The following PRDX1 variants were observed in gnomAD, a reference collection of about 807,000 sequenced individuals.
The protein encoded by PRDX1 is peroxiredoxin-1.
PRDX1 carries 19 observed loss-of-function variants against 20.7 expected under a neutral mutation model. That is an observed-to-expected ratio of 0.92 (90% CI 0.64 to 1.35). The LOEUF (loss-of-function observed/expected upper bound fraction) is 1.35. Ranked by LOEUF, PRDX1 falls within the 40% of genes most tolerant of loss-of-function variation. The pLI, the probability that PRDX1 is intolerant of heterozygous loss-of-function variation, is 0.00. For missense variants in PRDX1, 226 were observed against 240.0 expected, an observed-to-expected ratio of 0.94 and a Z score of 0.38; for synonymous variants, 89 against 83.9, an observed-to-expected ratio of 1.06 and a Z score of -0.33.
chr1:45,515,588 G>C, intron 3 of PRDX1, 66 bp downstream of exon 3: 1 of 1,210,990 alleles, frequency 8.3e-7, no homozygotes, highest in Non-Finnish European at 1.1e-6. Flanking sequence ...GACAAAGCAA[G>C]ACTCCATCTC....
Position 45,521,840 on chromosome 1 carries a change from CAA to C in PRDX1, c.-25_-24del, listed in dbSNP as rs1643916848. ...CTGCCCACACTCACCAGTCCCAACA[CAA>C]GTCGCAGAAACTAACCACCGACACC... is the stretch of plus-strand genomic sequence containing the variant. On this transcript the variant is annotated 5_prime_UTR_variant, in exon 1 of 6. Coordinates refer to ENST00000319248, the MANE Select transcript of PRDX1 (RefSeq NM_181697.3). 6.5e-6 allele frequency: 1 copy of C among 152,868 alleles called. No individual in the cohort carries two copies. The highest frequency in any genetic ancestry group is 1.5e-5 in the Non-Finnish European group (1 of 68,522). 9.5% of individuals were successfully genotyped at this position (152,868 alleles called of 1,614,324 possible).
rs751405893 is a variant in PRDX1, at chr1:45,514,943, C to T, written c.313G>A (p.Val105Ile). 2 of 1,614,072 alleles carry T rather than the reference C, an allele frequency of 1.2e-6. No individual in the cohort carries two copies. Among genetic ancestry groups the T allele is most frequent in the Admixed American group, 1.7e-5 (1 of 59,994 alleles). Residue 105 changes from valine to isoleucine, a missense_variant, in exon 4 of 6, where the codon GTA becomes ATA. By Grantham distance (29) the Val-to-Ile change is conservative. Coordinates refer to ENST00000319248, the MANE Select transcript of PRDX1 (RefSeq NM_181697.3). ...GGLGPMNIPL[V>I]SDPKRTIAQD... is the part of the protein sequence containing the mutation. ...GCAATGGTGCGCTTCGGGTCTGATA[C>T]CAAAGGAATGTTCATGGGTCCCAGT...
intron 2 of PRDX1, among the ~76,000 whole-genome samples, chr1:45,516,920 C>CT (rs1339256280): frequency 6.6e-6 from 1 of 151,220 alleles, no homozygotes; most frequent in Non-Finnish European, 1.5e-5. Flanking sequence ...ACTGGGGAGG[C>CT]TGAGCCAGGA....
intron 1 of PRDX1, among the ~76,000 whole-genome samples, chr1:45,520,123 T>C (rs1185082931): frequency 6.7e-6 from 1 of 148,862 alleles, no homozygotes; most frequent in Non-Finnish European, 1.5e-5. Context: ...GAGAATCACT[T>C]GAACCCGGGA....
chr1:45,518,631 C>A (rs971285428), intron 2 of PRDX1, among the ~76,000 whole-genome samples: 2 of 152,080 alleles, frequency 1.3e-5, no homozygotes, highest in African/African-American at 4.8e-5. Flanking sequence ...GCCTGGGTGA[C>A]AGAATGAGAC....
intron 2 of PRDX1, among the ~76,000 whole-genome samples, chr1:45,518,644 T>A (rs1643881620): frequency 6.6e-6 from 1 of 152,068 alleles, no homozygotes; most frequent in South Asian, 2.1e-4. Flanking sequence ...AATGAGACCC[T>A]GTCTCAAAAA....
At position 45,514,584 on chromosome 1, in the gene PRDX1, T is replaced by C. The variant is rs1168823132; in HGVS notation, c.437A>G (p.Asp146Gly). 1 of 1,613,122 alleles carries C rather than the reference T, an allele frequency of 6.2e-7. No homozygotes were observed. Among genetic ancestry groups the C allele is most frequent in the African/African-American group, 1.3e-5 (1 of 74,682 alleles). Residue 146 changes from aspartate (D) to glycine (G), a missense_variant, in exon 5 of 6, where the codon GAC (aspartate) becomes GGC (glycine). Asp to Gly is a moderately conservative substitution (Grantham distance 94, BLOSUM62 -1). Transcript: ENST00000319248. ...KGILRQITVN[D>G]LPVGRSVDET... ...ATCCACAGAGCGGCCAACAGGGAGG[T>C]CATTTACAGTGATCTGCCGAAGAAT... is the stretch of plus-strand genomic sequence containing the variant.
rs192429741 is a variant in PRDX1, at chr1:45,513,804, G to A, written c.514+703C>T. On this transcript the variant is annotated intron_variant, in intron 5 of 5. Transcript: ENST00000319248. Reference sequence around the variant, plus strand: ...AAGTATCCGGGGACACAAACACTGCGGAAGGCCACAGGGACCTCTGCCTAG... The same window carrying A: ...AAGTATCCGGGGACACAAACACTGCAGAAGGCCACAGGGACCTCTGCCTAG... Among the ~76,000 whole-genome samples the A allele has an allele frequency of 1.3e-4, 20 of 152,308 alleles. No individual in the cohort carries two copies. The East Asian group carries it at 1.7e-3, about 13-fold the overall frequency.
intron 5 of PRDX1, 28 bp from the exon 6 acceptor site, chr1:45,511,442 T>C (rs1643742909): frequency 1.3e-6 from 2 of 1,587,282 alleles, no homozygotes; most frequent in South Asian, 2.2e-5. Flanking sequence ...CACTAATTAA[T>C]AACCTTCTCA....
rs1209310883 is a variant in PRDX1, at chr1:45,511,402, C to A, written c.527G>T (p.Gly176Val). The A allele has an allele frequency of 6.2e-7, 1 of 1,613,102 alleles. No individual in the cohort carries two copies. Among genetic ancestry groups the A allele is most frequent in the Non-Finnish European group, 8.5e-7 (1 of 1,179,548 alleles). ...TDKHGEVCPA[G>V]WKPGSDTIKP... ...GATGGTATCACTGCCAGGTTTCCAG[C>A]CAGCTGGGCACACTGCAAGAGAAAG... Residue 176 changes from glycine (G) to valine (V), a missense_variant, in exon 6 of 6, where the codon GGC (glycine) becomes GTC (valine). Transcript: ENST00000319248.
chr1:45,514,722 G>T, intron 4 of PRDX1, 85 bp from the exon 5 acceptor site: 1 of 1,585,368 alleles, frequency 6.3e-7, no homozygotes, highest in South Asian at 1.1e-5. Context: ...TGAAGGAAAT[G>T]GACTGGTCTC....
At chr1:45,517,857 G>A (rs187236057) in intron 2 of PRDX1, among the ~76,000 whole-genome samples, 566 of 53,714 alleles carry the variant, frequency 0.011, 6 homozygotes, top group African/African-American at 0.031. Flanking sequence ...CTCTCCTCCG[G>A]GGTCAAAACA....
At chr1:45,516,709 A>C (rs966406479) in intron 2 of PRDX1, among the ~76,000 whole-genome samples, 3 of 152,122 alleles carry the variant, frequency 2.0e-5, no homozygotes, top group African/African-American at 7.2e-5. Context: ...CAATGTTTGA[A>C]AAGTCAAACA....
At chr1:45,515,856 G>A (rs1466793925) in intron 2 of PRDX1, 49 bp from the exon 3 acceptor site, 2 of 1,485,280 alleles carry the variant, frequency 1.3e-6, no homozygotes, top group Non-Finnish European at 1.8e-6. Context: ...AGACTTCCTT[G>A]CTTTATATTT....
intron 4 of PRDX1, 68 bp downstream of exon 4, chr1:45,514,805 G>T: frequency 3.1e-6 from 5 of 1,601,526 alleles, no homozygotes; most frequent in Non-Finnish European, 4.3e-6. Flanking sequence ...AGTCTCTACA[G>T]ATCAGGGCTC....
intron 5 of PRDX1, 107 bp downstream of exon 5, chr1:45,514,400 T>C (rs1643819141): frequency 1.8e-5 from 25 of 1,392,482 alleles, no homozygotes; most frequent in Non-Finnish European, 2.2e-5. Context: ...ACGTGTCTTT[T>C]TCCAAGTCTC....
intron 2 of PRDX1, 118 bp downstream of exon 2, chr1:45,518,820 T>C (rs1459616090): frequency 2.2e-6 from 2 of 910,612 alleles, no homozygotes; most frequent in Admixed American, 2.8e-5. Context: ...ACAACCTAAA[T>C]ACTTCTTCCT....
rs150550487 is a variant in PRDX1 at position 45,511,315 on chromosome 1, A to G, written c.*14T>C. On this transcript the variant is annotated 3_prime_UTR_variant, in exon 6 of 6. Coordinates refer to ENST00000319248, the MANE Select transcript of PRDX1 (RefSeq NM_181697.3). ...GGCTGCCCACCGCAGCCTGGCACTA[A>G]AACAGCCCAGCGCTCACTTCTGCTT... is the stretch of plus-strand genomic sequence containing the variant. 6 of 1,597,332 alleles carry G rather than the reference A, an allele frequency of 3.8e-6. No individual in the cohort carries two copies. The East Asian group carries it at 1.4e-4, about 36-fold the overall frequency.
Position 45,514,521 on chromosome 1 carries a change from T to C in PRDX1, c.500A>G (p.Asp167Gly). 1 of 1,614,146 alleles carries C rather than the reference T, an allele frequency of 6.2e-7. No individual in the cohort carries two copies. Residue 167 changes from aspartate to glycine, a missense_variant, in exon 5 of 6, where the codon GAC (aspartate) becomes GGC (glycine). Asp to Gly is a moderately conservative substitution (Grantham distance 94). Coordinates refer to ENST00000319248, the MANE Select transcript of PRDX1 (RefSeq NM_181697.3). ...LRLVQAFQFT[D>G]KHGEVCPAGW... Reference sequence around the variant, plus strand: ...AGATGGCTTACCTTCCCCATGTTTGTCAGTGAACTGGAAGGCCTGAACTAG... The same window carrying C: ...AGATGGCTTACCTTCCCCATGTTTGCCAGTGAACTGGAAGGCCTGAACTAG...
Sources: gnomAD v4.1 joint callset for allele counts (sites outside exome capture counted in the v4.1 genomes callset) on GRCh38, gnomAD v4.1.1 for gene constraint, MANE v1.5 for transcripts, NCBI Gene and HGNC (gene_info 2026-07-23, HGNC 2026-07-21) for gene names.